The following MCTP1 variants were observed in gnomAD, a reference collection of about 807,000 sequenced individuals.
MCTP1 encodes multiple C2 and transmembrane domain-containing protein 1.
A neutral mutation model predicts 120.6 loss-of-function variants in MCTP1; 69 were observed. The ratio of observed to expected loss-of-function variants is 0.57; its 90% CI spans 0.47 to 0.70. The LOEUF (loss-of-function observed/expected upper bound fraction) is 0.70. MCTP1 is among the 30% of genes least tolerant of loss of function. The pLI, the probability that MCTP1 is intolerant of heterozygous loss-of-function variation, is 0.00. For missense variants in MCTP1, 1,203 were observed against 1,248.8 expected (o/e 0.96, Z 0.55); for synonymous variants, 529 against 493.1 (o/e 1.07, Z -0.96).
chr5:95,237,716 T>C (rs991866050), intron 1 of MCTP1, among the ~76,000 whole-genome samples: 3 of 152,222 alleles, frequency 2.0e-5, no homozygotes, highest in African/African-American at 4.8e-5. Context: ...TGTATAATTA[T>C]AATTCTTGAT....
At chr5:95,095,903 G>T (rs1260859920) in intron 1 of MCTP1, among the ~76,000 whole-genome samples, 1 of 152,080 alleles carries the variant, frequency 6.6e-6, no homozygotes, top group Non-Finnish European at 1.5e-5. Flanking sequence ...AGGCCCAGAA[G>T]GCAGTGAAAA....
At chr5:95,183,393 ATATAATT>A (rs777796973) in intron 1 of MCTP1, among the ~76,000 whole-genome samples, 2 of 151,282 alleles carry the variant, frequency 1.3e-5, no homozygotes, top group Non-Finnish European at 3.0e-5. Flanking sequence ...TTTAAAATAA[ATATAATT>A]TATATTTATT....
rs191138517 is a variant in MCTP1, at chr5:94,890,637, C to T, written c.1840-1665G>A. Among the ~76,000 whole-genome samples, 3 of 152,180 alleles carry T rather than the reference C, an allele frequency of 2.0e-5. No homozygotes were observed. The East Asian group carries it at 5.8e-4, about 29-fold the overall frequency. The stretch of plus-strand genomic sequence containing the variant: ...AGTATGCACAGAAGTATTGAAACTT[C>T]AATAGAAAAAACAGATCCAAATGAT... On this transcript the variant is annotated intron_variant, in intron 11 of 22. Coordinates refer to ENST00000515393, the MANE Select transcript of MCTP1 (RefSeq NM_024717.7).
At chr5:95,254,078 T>A (rs896788431) in intron 1 of MCTP1, among the ~76,000 whole-genome samples, 2 of 152,188 alleles carry the variant, frequency 1.3e-5, no homozygotes, top group African/African-American at 4.8e-5. Flanking sequence ...CATTCATTCA[T>A]AATGAACTAA....
intron 19 of MCTP1, among the ~76,000 whole-genome samples, chr5:94,744,703 G>T (rs879260227): frequency 5.9e-5 from 9 of 152,086 alleles, no homozygotes; most frequent in Admixed American, 3.9e-4. Context: ...TAGAGATGGG[G>T]CTTCTCCATG....
intron 19 of MCTP1, among the ~76,000 whole-genome samples, chr5:94,774,270 T>C (rs1476476791): frequency 2.2e-5 from 3 of 136,824 alleles, no homozygotes; most frequent in Non-Finnish European, 4.7e-5. Flanking sequence ...GTCCCATGAC[T>C]AGGTTGTGTT....
In MCTP1 at chr5:95,282,315, T is replaced by C. The variant is rs1760388959; in HGVS notation, c.720+1541A>G. On this transcript the variant is annotated intron_variant, in intron 1 of 22. Transcript: ENST00000515393. ...TTGCTTTAAAAATATCTTGGTTCAG[T>C]GAACTGTAATGTGATTTAATAAGTT... Among the ~76,000 whole-genome samples, 4 of 152,224 alleles carry C rather than the reference T, an allele frequency of 2.6e-5. No individual in the cohort carries two copies. In the South Asian group the frequency reaches 8.3e-4, roughly 32 times the overall value.
chr5:94,892,130 C>A (rs1440366672), intron 11 of MCTP1, among the ~76,000 whole-genome samples: 2 of 152,110 alleles, frequency 1.3e-5, no homozygotes, highest in Non-Finnish European at 2.9e-5. Flanking sequence ...TCTGAGGGGC[C>A]AGAGCTGATT....
At chr5:95,225,562 A>G (rs1754164150) in intron 1 of MCTP1, among the ~76,000 whole-genome samples, 1 of 152,198 alleles carries the variant, frequency 6.6e-6, no homozygotes, top group Admixed American at 6.5e-5. Context: ...CTATACTATT[A>G]TGTAGGCCTT....
chr5:94,977,957 A>G (rs1338097716), intron 2 of MCTP1, among the ~76,000 whole-genome samples: 1 of 152,144 alleles, frequency 6.6e-6, no homozygotes, highest in Non-Finnish European at 1.5e-5. Context: ...TAGAGGAAAT[A>G]TCTGCAAATC....
intron 3 of MCTP1, among the ~76,000 whole-genome samples, chr5:94,949,418 T>A (rs1230941983): frequency 6.6e-6 from 1 of 152,202 alleles, no homozygotes; most frequent in Non-Finnish European, 1.5e-5. Flanking sequence ...ATAGATTTTA[T>A]AGCTAATTCT....
chr5:95,121,856 G>T (rs772962895), intron 1 of MCTP1, among the ~76,000 whole-genome samples: 1 of 147,660 alleles, frequency 6.8e-6, no homozygotes, highest in Non-Finnish European at 1.5e-5. Context: ...ATTCATTTTT[G>T]ACTAAAGTGC....
intron 1 of MCTP1, among the ~76,000 whole-genome samples, chr5:95,222,088 G>C (rs1007002323): frequency 1.3e-5 from 2 of 152,178 alleles, no homozygotes; most frequent in Non-Finnish European, 2.9e-5. Context: ...CAAATAAAAA[G>C]ACTGGAGGTA....
At chr5:94,882,192 T>TA (rs1229845791) in intron 12 of MCTP1, among the ~76,000 whole-genome samples, 1 of 152,170 alleles carries the variant, frequency 6.6e-6, no homozygotes, top group African/African-American at 2.4e-5. Context: ...TGGTCTCACA[T>TA]AAAATGAATT....
At chr5:95,261,527 G>A (rs186813344) in intron 1 of MCTP1, among the ~76,000 whole-genome samples, 6 of 152,220 alleles carry the variant, frequency 3.9e-5, no homozygotes, top group East Asian at 1.9e-4. Flanking sequence ...GCCACCTAAC[G>A]CTCATCTTCT....
chr5:95,155,738 A>G (rs1490158310), intron 1 of MCTP1, among the ~76,000 whole-genome samples: 1 of 152,200 alleles, frequency 6.6e-6, no homozygotes, highest in East Asian at 1.9e-4. Flanking sequence ...GGTTGTCAGA[A>G]TTCTAAGAGG....
At chr5:94,974,706 A>T (rs1367933128) in intron 2 of MCTP1, among the ~76,000 whole-genome samples, 1 of 152,050 alleles carries the variant, frequency 6.6e-6, no homozygotes, top group Non-Finnish European at 1.5e-5. Context: ...AAATAACCAG[A>T]TCCTATAGAA....
intron 17 of MCTP1, among the ~76,000 whole-genome samples, chr5:94,810,320 G>T (rs75744370): frequency 0.055 from 8,412 of 152,132 alleles, 341 homozygotes; most frequent in Admixed American, 0.086. Flanking sequence ...GTATATAAAT[G>T]CTATATCTAG....
At chr5:95,091,995 G>A (rs1244495367) in intron 1 of MCTP1, among the ~76,000 whole-genome samples, 2 of 152,174 alleles carry the variant, frequency 1.3e-5, no homozygotes, top group Admixed American at 1.3e-4. Context: ...GTCAGCAAAG[G>A]CTCAAAGGGA....
Sources: allele counts gnomAD v4.1 joint callset (sites outside exome capture counted in the v4.1 genomes callset), GRCh38; gene constraint gnomAD v4.1.1; transcripts MANE v1.5; gene names NCBI Gene and HGNC (gene_info 2026-07-23, HGNC 2026-07-21).